TNFRSF10A: variants seen among roughly 807,000 people sequenced by gnomAD.
TNFRSF10A encodes the protein tumor necrosis factor receptor superfamily member 10A.
In TNFRSF10A, 44 loss-of-function variants were observed where a neutral mutation model predicts 42.8. The observed-to-expected ratio is 1.03, with a 90% confidence interval of 0.81 to 1.32. The LOEUF (loss-of-function observed/expected upper bound fraction) is 1.32, where lower values mean the gene tolerates loss of function less well. Ranked by LOEUF, TNFRSF10A falls within the 40% of genes most tolerant of loss-of-function variation. The probability of loss-of-function intolerance (pLI) is 0.00; values close to 1 mark genes in which losing one functional copy is unlikely to be tolerated. For synonymous variants in TNFRSF10A, 259 were observed against 234.2 expected, an observed-to-expected ratio of 1.11 and a Z score of -0.97; for missense variants, 680 against 602.0, an observed-to-expected ratio of 1.13 and a Z score of -1.36.
intron 3 of TNFRSF10A, 80 bp from the exon 4 acceptor site, chr8:23,201,999 C>T: frequency 1.6e-6 from 2 of 1,277,764 alleles, no homozygotes; most frequent in Non-Finnish European, 1.1e-6. Flanking sequence ...CAACTCCCTC[C>T]CCCTCAGCTC....
At chr8:23,222,622 G>A (rs1000294) in intron 1 of TNFRSF10A, among the ~76,000 whole-genome samples, 38,054 of 152,158 alleles carry the variant, frequency 0.25, 5,348 homozygotes, top group East Asian at 0.69. Context: ...TGGGATGAGA[G>A]GGTCCTGTGG....
intron 8 of TNFRSF10A, among the ~76,000 whole-genome samples, chr8:23,198,319 G>A (rs923024476): frequency 2.0e-5 from 3 of 152,166 alleles, no homozygotes; most frequent in Non-Finnish European, 4.4e-5. Flanking sequence ...ATCTCCATAA[G>A]AAGTTAGAGG....
At chr8:23,208,185 G>A (rs1034175610) in intron 2 of TNFRSF10A, among the ~76,000 whole-genome samples, 68 of 152,180 alleles carry the variant, frequency 4.5e-4, no homozygotes, top group Admixed American at 4.4e-3. Flanking sequence ...TGGAGCAAAG[G>A]TGACTCTTGT....
At chr8:23,204,106 T>C (rs1800973541) in intron 2 of TNFRSF10A, among the ~76,000 whole-genome samples, 1 of 151,876 alleles carries the variant, frequency 6.6e-6, no homozygotes, top group South Asian at 2.1e-4. Flanking sequence ...TGATGTGTTA[T>C]GATGATGACA....
intron 8 of TNFRSF10A, among the ~76,000 whole-genome samples, chr8:23,198,037 T>G (rs938425660): frequency 2.4e-4 from 37 of 152,164 alleles, no homozygotes; most frequent in African/African-American, 8.4e-4. Context: ...TTTAATTACA[T>G]TTTTGGTTAG....
At chr8:23,201,526 C>G (rs928009007) in intron 4 of TNFRSF10A, among the ~76,000 whole-genome samples, 1 of 152,102 alleles carries the variant, frequency 6.6e-6, no homozygotes, top group Admixed American at 6.6e-5. Flanking sequence ...AAGTCATGGC[C>G]TCCTGTGCCT....
At chr8:23,220,647 G>C (rs1425414580) in intron 1 of TNFRSF10A, among the ~76,000 whole-genome samples, 5 of 152,172 alleles carry the variant, frequency 3.3e-5, no homozygotes, top group African/African-American at 4.8e-5. Context: ...TCATGACTCT[G>C]GATCCCCAGG....
Position 23,191,529 on chromosome 8 carries a change from A to T in TNFRSF10A, c.*165T>A. On this transcript the variant is annotated 3_prime_UTR_variant, in exon 10 of 10. Coordinates refer to ENST00000221132, the MANE Select transcript of TNFRSF10A (RefSeq NM_003844.4). ...TGGTCAGGCTGGTCTTGAACTTCTG[A>T]CCTCAAGTGATCCACCCGCCTCAGC... 2 of 976,944 alleles carry T rather than the reference A, an allele frequency of 2.0e-6. No individual in the cohort carries two copies. Among genetic ancestry groups the T allele is most frequent in the South Asian group, 1.8e-5 (1 of 54,528 alleles). 60.5% of individuals were successfully genotyped at this position (976,944 alleles called of 1,614,324 possible). A position where few individuals can be genotyped will look rare whatever the true frequency, so the allele number is the denominator to read the frequency against.
At position 23,201,998 on chromosome 8, in the gene TNFRSF10A, C is replaced by A. The variant is rs139347629; in HGVS notation, c.518-79G>T. The A allele has an allele frequency of 9.8e-5, 127 of 1,292,670 alleles. No homozygotes were observed. In the African/African-American group the frequency reaches 1.6e-3, roughly 16 times the overall value. The allele number at this position is 1,292,670 out of a possible 1,614,324, so 80.1% of individuals were successfully genotyped here. A position where few individuals can be genotyped will look rare whatever the true frequency, so the allele number is the denominator to read the frequency against. On this transcript the variant is annotated intron_variant, in intron 3 of 9. Transcript: ENST00000221132. ...CCTTTCCTCACCACCCCAACTCCCT[C>A]CCCCTCAGCTCAGCTCAACTCAGTT...
chr8:23,214,038 TTC>T, intron 1 of TNFRSF10A, among the ~76,000 whole-genome samples: 1 of 151,814 alleles, frequency 6.6e-6, no homozygotes, highest in South Asian at 2.1e-4. Context: ...TCAAGATATT[TTC>T]TTTCTTTTTT....
chr8:23,201,703 G>A (rs1800920213), intron 4 of TNFRSF10A, 105 bp downstream of exon 4: 2 of 1,064,852 alleles, frequency 1.9e-6, no homozygotes, highest in East Asian at 2.5e-5. Context: ...GCACCATGGG[G>A]TCAGGGCTGA....
At chr8:23,223,284 C>T (rs1262197694) in intron 1 of TNFRSF10A, among the ~76,000 whole-genome samples, 1 of 152,190 alleles carries the variant, frequency 6.6e-6, no homozygotes, top group Non-Finnish European at 1.5e-5. Flanking sequence ...CCAGGATCGT[C>T]TCGATCTCCT....
intron 8 of TNFRSF10A, 146 bp from the exon 9 acceptor site, chr8:23,197,350 C>A: frequency 2.4e-6 from 2 of 848,030 alleles, no homozygotes; most frequent in East Asian, 2.6e-5. Context: ...CCTCTGGTCC[C>A]ACATAGCTCA....
At chr8:23,213,062 T>C (rs1490757043) in intron 1 of TNFRSF10A, among the ~76,000 whole-genome samples, 1 of 152,212 alleles carries the variant, frequency 6.6e-6, no homozygotes, top group Non-Finnish European at 1.5e-5. Flanking sequence ...GGATTATGGA[T>C]TCTATCTCCT....
At chr8:23,199,979 AGGGCAGTGTTGGGCAGGGGT>A (rs1800884243) in intron 6 of TNFRSF10A, 62 bp from the exon 7 acceptor site, 3 of 1,337,452 alleles carry the variant, frequency 2.2e-6, no homozygotes, top group Non-Finnish European at 3.2e-6. Flanking sequence ...TCCTTCTTAG[AGGGCAGTGTTGGGCAGGGGT>A]GGGCTGGGGG....
chr8:23,197,333 T>A, intron 8 of TNFRSF10A, 129 bp from the exon 9 acceptor site: 2 of 1,100,550 alleles, frequency 1.8e-6, no homozygotes, highest in Non-Finnish European at 2.7e-6. Context: ...ATGGAGATGG[T>A]GAAAAACCTC....
chr8:23,193,593 C>T (rs760375726), intron 9 of TNFRSF10A, among the ~76,000 whole-genome samples: 2 of 152,004 alleles, frequency 1.3e-5, no homozygotes, highest in Non-Finnish European at 2.9e-5. Context: ...TGTTTCAGGG[C>T]AAGTGAGTGT....
Position 23,202,787 on chromosome 8 carries a change from A to G in TNFRSF10A, c.404-26T>C, listed in dbSNP as rs755388470. On this transcript the variant is annotated intron_variant, in intron 2 of 9. Transcript: ENST00000221132. ...CTGGGAAGGGAGAGAAAAGCCAATG[A>G]ATGAATTGCCACAGAGTTCCCAGAG... 1.3e-4 allele frequency: 198 copies of G among 1,530,046 alleles called. 1 individual carries two copies. Among genetic ancestry groups the G allele is most frequent in the Non-Finnish European group, 1.7e-4 (186 of 1,104,234 alleles). 94.8% of individuals were successfully genotyped at this position (1,530,046 alleles called of 1,614,324 possible).
chr8:23,200,878 T>C, intron 4 of TNFRSF10A, 118 bp from the exon 5 acceptor site: 1 of 928,378 alleles, frequency 1.1e-6, no homozygotes, highest in South Asian at 1.4e-5. Context: ...GGAAGGATAG[T>C]CTCCTCGTAT....
Sources: gnomAD v4.1 joint callset for allele counts (sites outside exome capture counted in the v4.1 genomes callset) on GRCh38, gnomAD v4.1.1 for gene constraint, MANE v1.5 for transcripts, NCBI Gene and HGNC (gene_info 2026-07-23, HGNC 2026-07-21) for gene names.